The following GNAO1 variants were observed in gnomAD, a reference collection of about 807,000 sequenced individuals.
GNAO1 encodes the protein guanine nucleotide-binding protein G(o) subunit alpha.
For missense variants in GNAO1, 166 were observed against 478.7 expected (o/e 0.35, Z 6.10); for synonymous variants, 164 against 180.7 (o/e 0.91, Z 0.74).
intron 3 of GNAO1, among the ~76,000 whole-genome samples, chr16:56,321,692 C>T (rs992165196): frequency 2.8e-4 from 42 of 152,230 alleles, no homozygotes; most frequent in African/African-American, 1.0e-3. Flanking sequence ...GAGAAAAAAG[C>T]CACAAAGGCA....
chr16:56,355,122 G>GCACACA, intron 8 of GNAO1, 41 bp downstream of exon 8: 1 of 754,436 alleles, frequency 1.3e-6, no homozygotes, highest in African/African-American at 2.9e-5. Context: ...GCGTGCGCGC[G>GCACACA]CATACACACA....
intron 2 of GNAO1, among the ~76,000 whole-genome samples, chr16:56,203,495 C>G (rs1035409417): frequency 7.2e-5 from 11 of 152,048 alleles, no homozygotes; most frequent in African/African-American, 2.7e-4. Flanking sequence ...ATCTCAATTG[C>G]CCTCTGCAAG....
intron 3 of GNAO1, among the ~76,000 whole-genome samples, chr16:56,327,779 A>T (rs2037650608): frequency 6.6e-6 from 1 of 152,130 alleles, no homozygotes; most frequent in Admixed American, 6.5e-5. Flanking sequence ...AAGCAAATTC[A>T]TCTACACCCA....
chr16:56,257,650 C>T (rs1202340122), intron 2 of GNAO1, among the ~76,000 whole-genome samples: 4 of 152,106 alleles, frequency 2.6e-5, no homozygotes, highest in African/African-American at 9.7e-5. Context: ...ATTCACTGGA[C>T]CTGTCAAATT....
chr16:56,196,398 T>C (rs1289970091), intron 2 of GNAO1, among the ~76,000 whole-genome samples: 1 of 152,216 alleles, frequency 6.6e-6, no homozygotes, highest in Admixed American at 6.5e-5. Context: ...TTATTCAGAC[T>C]AATCAGAAAA....
intron 6 of GNAO1, chr16:56,347,483 C>T (rs1391970589): frequency 1.0e-6 from 1 of 985,428 alleles, no homozygotes; most frequent in Non-Finnish European, 1.2e-6. Flanking sequence ...CTGACCCCAC[C>T]CTGCCCAGAG....
intron 2 of GNAO1, among the ~76,000 whole-genome samples, chr16:56,275,117 T>A (rs1357587214): frequency 2.6e-5 from 4 of 152,244 alleles, no homozygotes; most frequent in African/African-American, 9.6e-5. Flanking sequence ...TTTACATAGT[T>A]CATTGAGGGA....
intron 3 of GNAO1, among the ~76,000 whole-genome samples, chr16:56,291,127 AT>A (rs2037228340): frequency 1.3e-5 from 2 of 152,206 alleles, no homozygotes; most frequent in Non-Finnish European, 2.9e-5. Context: ...TCTTGGGTAC[AT>A]AACTAGGGGC....
At chr16:56,295,867 C>A (rs2037283173) in intron 3 of GNAO1, among the ~76,000 whole-genome samples, 1 of 152,234 alleles carries the variant, frequency 6.6e-6, no homozygotes, top group South Asian at 2.1e-4. Flanking sequence ...TGGGGGAGAC[C>A]ACCTTGCACA....
intron 2 of GNAO1, among the ~76,000 whole-genome samples, chr16:56,204,899 C>G (rs750905538): frequency 6.6e-6 from 1 of 152,050 alleles, no homozygotes; most frequent in Non-Finnish European, 1.5e-5. Context: ...AACTGGATCG[C>G]GTGATCTATA....
At chr16:56,283,262 G>T (rs917603176) in intron 3 of GNAO1, among the ~76,000 whole-genome samples, 1 of 152,134 alleles carries the variant, frequency 6.6e-6, no homozygotes, top group South Asian at 2.1e-4. Flanking sequence ...TTCAGGGTGT[G>T]GGGGGCAGCA....
rs1193358546 is a variant in GNAO1 at position 56,191,868 on chromosome 16, G to A, written c.-368G>A. ...ACCCCACCCTCTGTCGGCTCCGGCT[G>A]CGGCTCCAGCCTCGACTATTATTTT... On this transcript the variant is annotated 5_prime_UTR_variant, in exon 1 of 9. Transcript: ENST00000262493. This position sits in a 1 kb window ranked among gnomAD's most constrained non-coding sequence, Gnocchi z 4.7. 4.9e-6 allele frequency: 1 copy of A among 202,038 alleles called. No individual in the cohort carries two copies. Among genetic ancestry groups the A allele is most frequent in the Non-Finnish European group, 9.8e-6 (1 of 101,686 alleles). The allele number at this position is 202,038 out of a possible 1,614,324, so 12.5% of individuals were successfully genotyped here.
chr16:56,222,251 C>T (rs1356526776), intron 2 of GNAO1, among the ~76,000 whole-genome samples: 2 of 152,020 alleles, frequency 1.3e-5, no homozygotes, highest in South Asian at 4.2e-4. Flanking sequence ...GGAGCAGCAG[C>T]GTGTTCACAG....
chr16:56,253,171 C>G (rs2036815425), intron 2 of GNAO1, among the ~76,000 whole-genome samples: 1 of 152,216 alleles, frequency 6.6e-6, no homozygotes, highest in Non-Finnish European at 1.5e-5. Flanking sequence ...CCAGTCAGCT[C>G]TGCCTAAAAG....
rs536064308 is a variant in GNAO1 at position 56,273,399 on chromosome 16, TTCC to T, written c.162-2529_162-2527del. Among the ~76,000 whole-genome samples the T allele has an allele frequency of 7.8e-3, 1,191 of 152,316 alleles. 10 individuals carry two copies. The highest frequency in any genetic ancestry group is 0.011 in the Non-Finnish European group (742 of 68,030). ...GTTCTTTTTAATGTCTTCCATTTCT[TTCC>T]TCATTATGTTCATAATTCCCTTCAA... On this transcript the variant is annotated intron_variant, in intron 2 of 8. Transcript: ENST00000262493.
At chr16:56,348,878 C>A (rs904104649) in intron 6 of GNAO1, among the ~76,000 whole-genome samples, 3 of 152,192 alleles carry the variant, frequency 2.0e-5, no homozygotes, top group Admixed American at 6.5e-5. Context: ...TTTGGTTATG[C>A]CTGTCCTCTG....
intron 2 of GNAO1, among the ~76,000 whole-genome samples, chr16:56,216,160 G>A (rs373434895): frequency 1.2e-4 from 19 of 152,150 alleles, no homozygotes; most frequent in Non-Finnish European, 2.5e-4. Context: ...CTTGGTTTAG[G>A]CAGTGGTTAC....
intron 6 of GNAO1, chr16:56,344,950 T>C: frequency 1.0e-6 from 1 of 982,278 alleles, no homozygotes; most frequent in Non-Finnish European, 1.2e-6. Context: ...ATCAGCGAGT[T>C]TGTTCACAGC....
At chr16:56,256,704 CTCTCTCTCTCTCTCTGTGTGTGTGTGTG>C (rs2036851155) in intron 2 of GNAO1, among the ~76,000 whole-genome samples, 1 of 118,546 alleles carries the variant, frequency 8.4e-6, no homozygotes, top group South Asian at 2.8e-4. Flanking sequence ...CTCTCTCTCT[CTCTCTCTCTCTCTCTGTGTGTGTGTGTG>C]TGTGTGTGTG....
Sources: allele counts gnomAD v4.1 joint callset (sites outside exome capture counted in the v4.1 genomes callset), GRCh38; gene constraint gnomAD v4.1.1; non-coding constraint Gnocchi (gnomAD v3.1); transcripts MANE v1.5; gene names NCBI Gene and HGNC (gene_info 2026-07-23, HGNC 2026-07-21).